Variants in MBD4 observed in about 807,000 individuals in gnomAD.
MBD4 encodes methyl-CpG binding domain 4, DNA glycosylase, also known as methyl-CpG-binding domain protein 4.
A neutral mutation model predicts 60.2 loss-of-function variants in MBD4; 53 were observed. That is an observed-to-expected ratio of 0.88 (90% CI 0.71 to 1.11). The LOEUF (loss-of-function observed/expected upper bound fraction) is 1.11. MBD4 is among the 50% of genes least tolerant of loss of function. MBD4 has a pLI of 0.00. For missense variants in MBD4, 619 were observed against 674.0 expected, an observed-to-expected ratio of 0.92 and a Z score of 0.90; for synonymous variants, 231 against 229.8, an observed-to-expected ratio of 1.01 and a Z score of -0.05.
At chr3:129,435,069 T>C (rs1304666207) in intron 3 of MBD4, among the ~76,000 whole-genome samples, 1 of 152,242 alleles carries the variant, frequency 6.6e-6, no homozygotes, top group Non-Finnish European at 1.5e-5. Context: ...TGGTTACCTC[T>C]ATTTTACAGA....
At chr3:129,436,364 G>T in intron 3 of MBD4, 97 bp downstream of exon 3, 1 of 1,463,946 alleles carries the variant, frequency 6.8e-7, no homozygotes. Context: ...TCTTAACCAT[G>T]TATGGGCACG....
chr3:129,439,506 C>T (rs2072658730), intron 1 of MBD4, among the ~76,000 whole-genome samples: 1 of 152,072 alleles, frequency 6.6e-6, no homozygotes, highest in Non-Finnish European at 1.5e-5. Flanking sequence ...CCTCCCGGCT[C>T]CCCCCCAGTC....
chr3:129,436,003 G>A (rs1472100854), intron 3 of MBD4, among the ~76,000 whole-genome samples: 1 of 152,216 alleles, frequency 6.6e-6, no homozygotes, highest in East Asian at 1.9e-4. Flanking sequence ...GTAAGTATCA[G>A]GAGGGGTGTG....
chr3:129,437,060 C>A lies in MBD4; in HGVS notation c.584G>T (p.Ser195Ile). Residue 195 changes from serine to isoleucine, a missense_variant, in exon 3 of 8, where the codon AGT becomes ATT. Physicochemically the swap from Ser to Ile is moderately radical, Grantham distance 142. Transcript: ENST00000429544. ...TCCTCTGCTCTCCTGCAACTCTGAA[C>A]TACTACTTGGCGGCATAAACACATC... ...KKDVFMPPSS[S>I]SELQESRGLS... is the part of the protein sequence containing the mutation. 1 of 1,614,180 alleles carries A rather than the reference C, an allele frequency of 6.2e-7. No individual in the cohort carries two copies. The highest frequency in any genetic ancestry group is 1.1e-5 in the South Asian group (1 of 91,078).
intron 3 of MBD4, among the ~76,000 whole-genome samples, chr3:129,435,217 C>T (rs1032440134): frequency 1.3e-5 from 2 of 151,026 alleles, no homozygotes; most frequent in African/African-American, 4.9e-5. Context: ...AGGTAAAGCC[C>T]AGTAGAGAGT....
chr3:129,432,979 G>A, intron 6 of MBD4, 119 bp downstream of exon 6: 1 of 1,314,302 alleles, frequency 7.6e-7, no homozygotes, highest in South Asian at 1.2e-5. Flanking sequence ...AAATGCCTTG[G>A]GTGCTTGAGC....
intron 3 of MBD4, among the ~76,000 whole-genome samples, chr3:129,436,009 G>A (rs1023265001): frequency 6.6e-6 from 1 of 152,194 alleles, no homozygotes; most frequent in African/African-American, 2.4e-5. Context: ...ATCAGGAGGG[G>A]TGTGAAGACA....
rs1387532562 is a variant in MBD4, at chr3:129,432,694, A to G, written c.1544-88T>C. 3 of 1,239,214 alleles carry G rather than the reference A, an allele frequency of 2.4e-6. No individual in the cohort carries two copies. The Admixed American group carries it at 5.0e-5, about 21-fold the overall frequency. 76.8% of individuals were successfully genotyped at this position (1,239,214 alleles called of 1,614,324 possible). A position where few individuals can be genotyped will look rare whatever the true frequency, so the allele number is the denominator to read the frequency against. ...GGTGATGGGGCAGGATGGAGAGAAC[A>G]GCAGAAAGGGACAGGAAAGGCTCTT... On this transcript the variant is annotated intron_variant, in intron 6 of 7. Transcript: ENST00000429544.
rs945366039 is a variant in MBD4, at chr3:129,432,487, T to C, written c.1647+16A>G. On this transcript the variant is annotated intron_variant, in intron 7 of 7. Coordinates refer to ENST00000429544, the MANE Select transcript of MBD4 (RefSeq NM_001276270.2). ...GAGACCAAATGTGCTGAATTATGGA[T>C]GGGAGTGAGCCTCACCTGCTTCCAC... 4.3e-6 allele frequency: 7 copies of C among 1,614,102 alleles called. No individual in the cohort carries two copies. Among genetic ancestry groups the C allele is most frequent in the Non-Finnish European group, 5.9e-6 (7 of 1,180,054 alleles).
rs1371686794 is a variant in MBD4, at chr3:129,432,674, T to C, written c.1544-68A>G. On this transcript the variant is annotated intron_variant, in intron 6 of 7. Transcript: ENST00000429544. ...GACACCCTCCCAAAATGTGTGGTGA[T>C]GGGGCAGGATGGAGAGAACAGCAGA... is the stretch of plus-strand genomic sequence containing the variant. The C allele has an allele frequency of 2.8e-6, 4 of 1,411,706 alleles. No homozygotes were observed. In the East Asian group the frequency reaches 6.8e-5, roughly 24 times the overall value. 87.4% of individuals were successfully genotyped at this position (1,411,706 alleles called of 1,614,324 possible).
At chr3:129,431,691 A>G in intron 7 of MBD4, 113 bp from the exon 8 acceptor site, 1 of 776,916 alleles carries the variant, frequency 1.3e-6, no homozygotes, top group Admixed American at 1.8e-5. Context: ...TTACGATACC[A>G]TACCTAAAAG....
At chr3:129,434,276 C>A in intron 3 of MBD4, 140 bp from the exon 4 acceptor site, 1 of 721,298 alleles carries the variant, frequency 1.4e-6, no homozygotes. Context: ...CCCAATTAAT[C>A]TAACTAATGA....
chr3:129,433,919 C>T lies in MBD4; in HGVS notation c.1324G>A (p.Val442Ile), dbSNP rs747394347. Reference protein sequence around the residue: ...WTPPRSPFNLVQETLFHDPWK... With the variant: ...WTPPRSPFNLIQETLFHDPWK... ...GGATCATGAAAAAGTGTTTCTTGAACGAGATTAAAAGGTGACCGAGGAGGT... is the reference window on the plus strand; with the variant it reads ...GGATCATGAAAAAGTGTTTCTTGAATGAGATTAAAAGGTGACCGAGGAGGT... Residue 442 changes from valine to isoleucine, a missense_variant, in exon 5 of 8, where the codon GTT (valine) becomes ATT (isoleucine). Coordinates refer to ENST00000429544, the MANE Select transcript of MBD4 (RefSeq NM_001276270.2). 3.7e-6 allele frequency: 6 copies of T among 1,614,128 alleles called. No individual in the cohort carries two copies. The highest frequency in any genetic ancestry group is 1.7e-5 in the Admixed American group (1 of 60,030).
chr3:129,434,838 A>C (rs2072427813), intron 3 of MBD4, among the ~76,000 whole-genome samples: 2 of 152,292 alleles, frequency 1.3e-5, no homozygotes, highest in Middle Eastern at 3.4e-3. Context: ...AAAAACCTAC[A>C]ATTTGAACCC....
At chr3:129,438,692 T>A (rs990772083) in intron 1 of MBD4, among the ~76,000 whole-genome samples, 3 of 150,760 alleles carry the variant, frequency 2.0e-5, no homozygotes, top group Non-Finnish European at 4.4e-5. Context: ...GATCACCTGA[T>A]CCCAAGAGTT....
chr3:129,434,185 G>T, intron 3 of MBD4, 49 bp from the exon 4 acceptor site: 2 of 1,400,392 alleles, frequency 1.4e-6, no homozygotes, highest in South Asian at 1.2e-5. Context: ...TTAGCTTAAA[G>T]CAATATTGAG....
chr3:129,439,848 C>T lies in MBD4; in HGVS notation c.-15G>A. On this transcript the variant is annotated 5_prime_UTR_variant, in exon 1 of 8. Coordinates refer to ENST00000429544, the MANE Select transcript of MBD4 (RefSeq NM_001276270.2). Reference sequence around the variant, plus strand: ...GTCGTGCCCATCGAGCAGGGTCCGGCTGCAGCAACGAGCCCAGCGCCGCAA... The same window carrying T: ...GTCGTGCCCATCGAGCAGGGTCCGGTTGCAGCAACGAGCCCAGCGCCGCAA... 1.9e-6 allele frequency: 3 copies of T among 1,587,632 alleles called. No homozygotes were observed. Among genetic ancestry groups the T allele is most frequent in the Non-Finnish European group, 2.6e-6 (3 of 1,157,788 alleles).
chr3:129,437,839 A>G lies in MBD4; in HGVS notation c.216T>C (p.Ala72=). 1 of 1,614,054 alleles carries G rather than the reference A, an allele frequency of 6.2e-7. No individual in the cohort carries two copies. The highest frequency in any genetic ancestry group is 1.1e-5 in the South Asian group (1 of 91,084). ...CTGTTCCTGCAGTAGCACCAAACTG[A>G]GCAGAAGCGATGGGTTCTTGTAGCA... ...NPLLQEPIAS[A]QFGATAGTEC... Residue 72 remains alanine, a synonymous_variant, in exon 2 of 8, where the codon GCT becomes GCC. Coordinates refer to ENST00000429544, the MANE Select transcript of MBD4 (RefSeq NM_001276270.2).
rs554600762 is a variant in MBD4 at position 129,437,807 on chromosome 3, C to G, written c.248G>C (p.Arg83Pro). Residue 83 changes from arginine (R) to proline (P), a missense_variant, in exon 2 of 8, where the codon CGT becomes CCT. Physicochemically the swap from Arg to Pro is moderately radical, Grantham distance 103. Coordinates refer to ENST00000429544, the MANE Select transcript of MBD4 (RefSeq NM_001276270.2). ...QFGATAGTEC[R>P]KSVPCGWERV... ...TTCCCATCCACATGGGACAGACTTA[C>G]GGCATTCTGTTCCTGCAGTAGCACC... 1 of 1,614,146 alleles carries G rather than the reference C, an allele frequency of 6.2e-7. No homozygotes were observed. Among genetic ancestry groups the G allele is most frequent in the South Asian group, 1.1e-5 (1 of 91,080 alleles).
Sources: allele counts gnomAD v4.1 joint callset (sites outside exome capture counted in the v4.1 genomes callset), GRCh38; gene constraint gnomAD v4.1.1; transcripts MANE v1.5; gene names NCBI Gene and HGNC (gene_info 2026-07-23, HGNC 2026-07-21).